The following TRIM65 variants were observed in gnomAD, a reference collection of about 807,000 sequenced individuals.
TRIM65 encodes tripartite motif containing 65.
In TRIM65, 46 loss-of-function variants were observed where a neutral mutation model predicts 36.1. That is an observed-to-expected ratio of 1.27 (90% CI 1.01 to 1.63). The LOEUF is 1.63. Among genes scored for constraint, TRIM65 ranks in the 40% most tolerant of loss-of-function variants. TRIM65 has a pLI of 0.00. For missense variants in TRIM65, 708 were observed against 696.6 expected, an observed-to-expected ratio of 1.02 and a Z score of -0.18; for synonymous variants, 346 against 313.6, an observed-to-expected ratio of 1.10 and a Z score of -1.09.
In TRIM65 at chr17:75,891,832, C is replaced by T. The variant is rs1476960713; in HGVS notation, c.966G>A (p.Leu322=). 1.9e-6 allele frequency: 3 copies of T among 1,612,454 alleles called. No homozygotes were observed. The highest frequency in any genetic ancestry group is 2.5e-6 in the Non-Finnish European group (3 of 1,179,258). ...CCTTACTCTGCCAGAGTTTCCTCCT[C>T]AGTGGACAAACTGTGCTTGGGACCG... The part of the protein sequence containing the change: ...LAPVPSTVCP[L]RRKLWQNYRN... The change falls in exon 5 of 6, where the codon CTG becomes CTA. Residue 322 remains leucine (L), a synonymous_variant. Transcript: ENST00000269383.
At position 75,892,341 on chromosome 17, in the gene TRIM65, A is replaced by G; in HGVS notation, c.670T>C (p.Leu224=). ...RDEEQRLRVH[L]EAVARHGCRI... ...CAGCCATGGCGAGCCACAGCCTCCA[A>G]ATGGACCCGCAGCCGCTGCTCCTCG... The change falls in exon 3 of 6, where the codon TTG becomes CTG. Residue 224 remains leucine, a synonymous_variant. Coordinates refer to ENST00000269383, the MANE Select transcript of TRIM65 (RefSeq NM_173547.4). The G allele has an allele frequency of 6.2e-7, 1 of 1,613,136 alleles. No individual in the cohort carries two copies. The highest frequency in any genetic ancestry group is 2.2e-5 in the East Asian group (1 of 44,874).
intron 4 of TRIM65, among the ~76,000 whole-genome samples, chr17:75,882,507 C>T (rs966787460): frequency 1.3e-5 from 2 of 150,796 alleles, no homozygotes; most frequent in Non-Finnish European, 2.9e-5. Context: ...CCGCGCCCAG[C>T]CTGGCATCTT....
At position 75,891,804 on chromosome 17, in the gene TRIM65, C is replaced by T. The variant is rs1475262518; in HGVS notation, c.985+9G>A. ...CACAGGGGCACACATACACGAACGG[C>T]CTCCTTACTCTGCCAGAGTTTCCTC... On this transcript the variant is annotated intron_variant, in intron 5 of 5. Transcript: ENST00000269383. 1 of 1,607,856 alleles carries T rather than the reference C, an allele frequency of 6.2e-7. No homozygotes were observed. The highest frequency in any genetic ancestry group is 8.5e-7 in the Non-Finnish European group (1 of 1,176,962).
Position 75,896,506 on chromosome 17 carries a change from T to C in TRIM65, c.414+18A>G, listed in dbSNP as rs1165411645. 1.3e-5 allele frequency: 17 copies of C among 1,314,594 alleles called. 1 individual carries two copies. The South Asian group carries it at 3.0e-4, about 23-fold the overall frequency. The allele number at this position is 1,314,594 out of a possible 1,614,324, so 81.4% of individuals were successfully genotyped here. A position where few individuals can be genotyped will look rare whatever the true frequency, so the allele number is the denominator to read the frequency against. ...TGCGGCGGGTCCGGACCCCTCCCGC[T>C]CCCGGCGGATGCGTCACCTCGCGCT... is the stretch of plus-strand genomic sequence containing the variant. On this transcript the variant is annotated intron_variant, in intron 1 of 5. Transcript: ENST00000269383.
chr17:75,886,383 G>A (rs890615434), downstream of TRIM65, among the ~76,000 whole-genome samples: 9 of 151,956 alleles, frequency 5.9e-5, no homozygotes, highest in African/African-American at 9.7e-5. Context: ...CTAGCCGGGC[G>A]TGGTGGCGGG....
Position 75,896,817 on chromosome 17 carries a change from C to A in TRIM65, c.121G>T (p.Asp41Tyr). 1 of 1,516,318 alleles carries A rather than the reference C, an allele frequency of 6.6e-7. No individual in the cohort carries two copies. Among genetic ancestry groups the A allele is most frequent in the Non-Finnish European group, 8.8e-7 (1 of 1,134,596 alleles). 93.9% of individuals were successfully genotyped at this position (1,516,318 alleles called of 1,614,324 possible). Residue 41 changes from aspartate (D) to tyrosine (Y), a missense_variant, in exon 1 of 6, where the codon GAC becomes TAC. Asp to Tyr is a radical substitution (Grantham distance 160). Coordinates refer to ENST00000269383, the MANE Select transcript of TRIM65 (RefSeq NM_173547.4). ...FCGACIRDWWDRCGKACPECR... is the reference protein window; with the variant it reads ...FCGACIRDWWYRCGKACPECR... ...TCGGGGCACGCCTTTCCGCAGCGGT[C>A]CCACCAGTCCCGGATGCAGGCCCCG... is the stretch of plus-strand genomic sequence containing the variant.
downstream of TRIM65, among the ~76,000 whole-genome samples, chr17:75,884,142 T>A (rs780928413): frequency 4.1e-5 from 6 of 146,562 alleles, no homozygotes; most frequent in Admixed American, 6.9e-5. Context: ...TCTCAAAAAA[T>A]AAATAAATAA....
intron 1 of TRIM65, among the ~76,000 whole-genome samples, chr17:75,894,569 G>A (rs900176737): frequency 1.3e-4 from 20 of 152,266 alleles, no homozygotes; most frequent in East Asian, 3.9e-4. Flanking sequence ...CCCAGCTCTC[G>A]ACTTCCAGCT....
chr17:75,884,511 T>A (rs1445869310), downstream of TRIM65, among the ~76,000 whole-genome samples: 4 of 152,228 alleles, frequency 2.6e-5, no homozygotes, highest in African/African-American at 9.6e-5. Flanking sequence ...CTAGTAATGT[T>A]GTGTCCCACT....
intron 5 of TRIM65, among the ~76,000 whole-genome samples, chr17:75,891,601 G>A (rs939889361): frequency 2.0e-5 from 3 of 152,150 alleles, no homozygotes; most frequent in African/African-American, 4.8e-5. Context: ...GTCCTTCAAC[G>A]CACACTGGCT....
downstream of TRIM65, among the ~76,000 whole-genome samples, chr17:75,884,495 C>G (rs2065192250): frequency 6.6e-6 from 1 of 152,166 alleles, no homozygotes; most frequent in South Asian, 2.1e-4. Context: ...AGGCTTATAA[C>G]AAAAACTAGT....
chr17:75,885,633 T>C (rs914763761), downstream of TRIM65, among the ~76,000 whole-genome samples: 1 of 152,228 alleles, frequency 6.6e-6, no homozygotes, highest in East Asian at 1.9e-4. Flanking sequence ...ATCCCAGACC[T>C]CCCTTTTCCC....
rs770259929 is a variant in TRIM65, at chr17:75,890,845, G to A, written c.1488C>T (p.Thr496=). 16 of 1,527,360 alleles carry A rather than the reference G, an allele frequency of 1.0e-5. No homozygotes were observed. The Admixed American group carries it at 3.7e-4, about 35-fold the overall frequency. 94.6% of individuals were successfully genotyped at this position (1,527,360 alleles called of 1,614,324 possible). ...CCCCTGGCTGATGGCACAGGGTCAGGGTCCTACCCTCGAGGAGCCAGAAGA... is the reference window on the plus strand; with the variant it reads ...CCCCTGGCTGATGGCACAGGGTCAGAGTCCTACCCTCGAGGAGCCAGAAGA... ...TPVFWLLEGR[T]LTLCHQPGAV... The change falls in exon 6 of 6, where the codon ACC becomes ACT. Residue 496 remains threonine (T), a synonymous_variant. Coordinates refer to ENST00000269383, the MANE Select transcript of TRIM65 (RefSeq NM_173547.4).
chr17:75,892,923 C>G, intron 1 of TRIM65, 73 bp from the exon 2 acceptor site: 1 of 1,371,792 alleles, frequency 7.3e-7, no homozygotes, highest in Non-Finnish European at 1.0e-6. Context: ...CTCAGACAAC[C>G]AACCATGCCT....
intron 4 of TRIM65, among the ~76,000 whole-genome samples, chr17:75,881,154 G>T (rs1405452947): frequency 6.9e-6 from 1 of 144,276 alleles, no homozygotes; most frequent in Non-Finnish European, 1.5e-5. Flanking sequence ...GGAGTCTGAG[G>T]CAGGAGAATC....
chr17:75,896,689 G>GGGGCCGGGATCC lies in TRIM65; in HGVS notation c.237_248dup (p.Asp84_Pro87dup). 7.7e-7 allele frequency: 1 copy of GGGGCCGGGATCC among 1,300,486 alleles called. No individual in the cohort carries two copies. Among genetic ancestry groups the GGGGCCGGGATCC allele is most frequent in the Non-Finnish European group, 9.7e-7 (1 of 1,029,740 alleles). 80.6% of individuals were successfully genotyped at this position (1,300,486 alleles called of 1,614,324 possible). A position where few individuals can be genotyped will look rare whatever the true frequency, so the allele number is the denominator to read the frequency against. ...CAGGGTCGGGGCCGGGGCCGGGATC[G>GGGGCCGGGATCC]GGGCCGGGATCCCGGGCGGGCCCGG... On this transcript the variant is annotated inframe_insertion, in exon 1 of 6. Transcript: ENST00000269383.
rs755661279 is a variant in TRIM65 at position 75,892,830 on chromosome 17, C to T, written c.435G>A (p.Leu145=). The part of the protein sequence containing the change: ...LKREAQLRAS[L]EVTQQQATQA... ...GGGTGGCCTGCTGCTGGGTAACCTC[C>T]AGGCTGGCTCTCAGCTGGGCCTGTG... Residue 145 remains leucine, a synonymous_variant, in exon 2 of 6, where the codon CTG becomes CTA. Coordinates refer to ENST00000269383, the MANE Select transcript of TRIM65 (RefSeq NM_173547.4). 4.6e-5 allele frequency: 73 copies of T among 1,602,980 alleles called. No individual in the cohort carries two copies. The highest frequency in any genetic ancestry group is 4.7e-5 in the Non-Finnish European group (56 of 1,179,896).
At chr17:75,892,669 G>T in intron 2 of TRIM65, 86 bp downstream of exon 2, 1 of 1,376,744 alleles carries the variant, frequency 7.3e-7, no homozygotes, top group Non-Finnish European at 1.0e-6. Flanking sequence ...CCCGCTCCCT[G>T]CTGCCTGGTG....
At chr17:75,896,381 C>A in intron 1 of TRIM65, 143 bp downstream of exon 1, 1 of 1,190,632 alleles carries the variant, frequency 8.4e-7, no homozygotes, top group Non-Finnish European at 1.0e-6. Flanking sequence ...AATCAGCTCC[C>A]AGGTTGGGAG....
Sources: gnomAD v4.1 joint callset for allele counts (sites outside exome capture counted in the v4.1 genomes callset) on GRCh38, gnomAD v4.1.1 for gene constraint, MANE v1.5 for transcripts, NCBI Gene and HGNC (gene_info 2026-07-23, HGNC 2026-07-21) for gene names.